Variants in SRD5A3 observed in about 807,000 individuals in gnomAD.
The protein encoded by SRD5A3 is polyprenal reductase.
Under a neutral mutation model 34.3 loss-of-function variants are expected in SRD5A3, and 24 were observed. That is an observed-to-expected ratio of 0.70 (90% CI 0.51 to 0.99). SRD5A3 has a LOEUF of 0.99. SRD5A3 is among the 50% of genes least tolerant of loss of function. SRD5A3 has a pLI of 0.00. For synonymous variants in SRD5A3, 161 were observed against 167.3 expected (o/e 0.96, Z 0.29); for missense variants, 350 against 388.2 (o/e 0.90, Z 0.83).
intron 1 of SRD5A3, among the ~76,000 whole-genome samples, chr4:55,351,629 C>T (rs1719196967): frequency 6.6e-6 from 1 of 151,922 alleles, no homozygotes; most frequent in South Asian, 2.1e-4. Flanking sequence ...TGCACTCCAG[C>T]CTGGGCAACA....
At chr4:55,354,264 A>C (rs1719339781) in intron 1 of SRD5A3, among the ~76,000 whole-genome samples, 1 of 151,996 alleles carries the variant, frequency 6.6e-6, no homozygotes, top group Non-Finnish European at 1.5e-5. Flanking sequence ...TACCTGGCTA[A>C]TTTTTGTATA....
At chr4:55,362,840 G>A (rs1335733628) in intron 2 of SRD5A3, among the ~76,000 whole-genome samples, 2 of 147,600 alleles carry the variant, frequency 1.4e-5, no homozygotes, top group Non-Finnish European at 3.0e-5. Flanking sequence ...TTGTGTGTGA[G>A]ACTTTTTTTT....
intron 1 of SRD5A3, among the ~76,000 whole-genome samples, chr4:55,352,634 T>A (rs958773581): frequency 3.3e-5 from 5 of 152,044 alleles, no homozygotes; most frequent in African/African-American, 1.2e-4. Flanking sequence ...AAAAAGTGGT[T>A]TGAGGTTTAA....
rs1450031018 is a variant in SRD5A3, at chr4:55,357,125, C to T, written c.222-2221C>T. On this transcript the variant is annotated intron_variant, in intron 1 of 4. Coordinates refer to ENST00000264228, the MANE Select transcript of SRD5A3 (RefSeq NM_024592.5). ...AGAGAAGCCACCCTTGACCATCCATCCAGAACAGCCTCCCCTCTGCACCCT... is the reference window on the plus strand; with the variant it reads ...AGAGAAGCCACCCTTGACCATCCATTCAGAACAGCCTCCCCTCTGCACCCT... 2.0e-5 allele frequency among the ~76,000 whole-genome samples: 3 copies of T among 152,278 alleles called. No individual in the cohort carries two copies. In the East Asian group the frequency reaches 5.8e-4, roughly 29 times the overall value.
intron 1 of SRD5A3, among the ~76,000 whole-genome samples, chr4:55,352,939 G>T (rs1719251805): frequency 6.6e-6 from 1 of 152,226 alleles, no homozygotes; most frequent in Non-Finnish European, 1.5e-5. Flanking sequence ...AGGATGGATG[G>T]GGTGGGGGAA....
chr4:55,369,765 G>A (rs1295217818), intron 4 of SRD5A3, 67 bp from the exon 5 acceptor site: 23 of 1,563,436 alleles, frequency 1.5e-5, no homozygotes, highest in African/African-American at 2.7e-5. Flanking sequence ...AATGATTTGC[G>A]AGTGAAGTGG....
rs1719074196 is a variant in SRD5A3, at chr4:55,348,417, AC to A, written c.221+1864del. Among the ~76,000 whole-genome samples the A allele has an allele frequency of 2.0e-5, 3 of 152,288 alleles. No homozygotes were observed. In the South Asian group the frequency reaches 6.2e-4, roughly 32 times the overall value. On this transcript the variant is annotated intron_variant, in intron 1 of 4. Coordinates refer to ENST00000264228, the MANE Select transcript of SRD5A3 (RefSeq NM_024592.5). ...GTATTACTCTCTTTTTAAATTTTATACCCCTGTTTATATGAAATAGGCAGAT... is the reference window on the plus strand; with the variant it reads ...GTATTACTCTCTTTTTAAATTTTATACCCTGTTTATATGAAATAGGCAGAT...
intron 1 of SRD5A3, chr4:55,359,019 G>A (rs1473158341): frequency 2.7e-6 from 1 of 366,146 alleles, no homozygotes; most frequent in Non-Finnish European, 5.2e-6. Flanking sequence ...AGGGCCTGCA[G>A]CCTCCGTTTT....
intron 1 of SRD5A3, chr4:55,351,954 T>C (rs1368634307): frequency 6.1e-5 from 45 of 738,540 alleles, no homozygotes; most frequent in South Asian, 6.0e-4. Context: ...ATAAAACTTA[T>C]GCTGAATTAC....
chr4:55,370,249 C>T lies in SRD5A3; in HGVS notation c.*158C>T. ...TTTCACTGAATGAGCATGGCAGTGCCACTCAAGAAAATGAATCTCCAAAGT... is the reference window on the plus strand; with the variant it reads ...TTTCACTGAATGAGCATGGCAGTGCTACTCAAGAAAATGAATCTCCAAAGT... On this transcript the variant is annotated 3_prime_UTR_variant, in exon 5 of 5. Transcript: ENST00000264228. 1.1e-6 allele frequency: 1 copy of T among 920,142 alleles called. No homozygotes were observed. Among genetic ancestry groups the T allele is most frequent in the Non-Finnish European group, 1.7e-6 (1 of 598,084 alleles). 57.0% of individuals were successfully genotyped at this position (920,142 alleles called of 1,614,324 possible). A position where few individuals can be genotyped will look rare whatever the true frequency, so the allele number is the denominator to read the frequency against.
chr4:55,355,704 T>C (rs1207607896), intron 1 of SRD5A3, among the ~76,000 whole-genome samples: 1 of 152,188 alleles, frequency 6.6e-6, no homozygotes, highest in African/African-American at 2.4e-5. Context: ...CTAGGTTGCA[T>C]GAAAGCACAA....
intron 3 of SRD5A3, 149 bp from the exon 4 acceptor site, chr4:55,367,439 A>G: frequency 1.1e-6 from 1 of 876,954 alleles, no homozygotes; most frequent in Non-Finnish European, 1.8e-6. Flanking sequence ...ATTGAGGAAC[A>G]GGTTCCCCTC....
intron 2 of SRD5A3, among the ~76,000 whole-genome samples, chr4:55,363,296 G>A (rs554712375): frequency 7.9e-5 from 12 of 152,200 alleles, no homozygotes; most frequent in Non-Finnish European, 1.5e-4. Flanking sequence ...TTAGTCAGGT[G>A]TGGTGGCACA....
At chr4:55,356,000 A>ATTTTT (rs10648522) in intron 1 of SRD5A3, among the ~76,000 whole-genome samples, 18 of 74,288 alleles carry the variant, frequency 2.4e-4, no homozygotes, top group Admixed American at 6.5e-4. Context: ...TTTTGCCTCC[A>ATTTTT]TTTTTTTTTT....
At chr4:55,365,989 T>TA (rs1286507687) in intron 3 of SRD5A3, among the ~76,000 whole-genome samples, 2 of 152,282 alleles carry the variant, frequency 1.3e-5, no homozygotes, top group Admixed American at 6.5e-5. Flanking sequence ...AAAAGAAGAC[T>TA]ATCTGTAAAC....
At chr4:55,347,853 C>A (rs536996367) in intron 1 of SRD5A3, among the ~76,000 whole-genome samples, 5 of 152,300 alleles carry the variant, frequency 3.3e-5, no homozygotes, top group African/African-American at 9.6e-5. Context: ...AGTAGAAGTA[C>A]ATGAAACAAA....
At chr4:55,350,370 A>G (rs1469218663) in intron 1 of SRD5A3, among the ~76,000 whole-genome samples, 1 of 152,210 alleles carries the variant, frequency 6.6e-6, no homozygotes, top group East Asian at 1.9e-4. Context: ...AACTCCTCTC[A>G]AAAAGAAAGA....
chr4:55,363,956 A>T, intron 2 of SRD5A3, 118 bp from the exon 3 acceptor site: 1 of 1,050,400 alleles, frequency 9.5e-7, no homozygotes, highest in Non-Finnish European at 1.5e-6. Flanking sequence ...TTTCTTCCTT[A>T]CTACCAAAAA....
In SRD5A3 at chr4:55,355,098, A is replaced by G. The variant is rs567116852; in HGVS notation, c.222-4248A>G. Among the ~76,000 whole-genome samples the G allele has an allele frequency of 2.6e-5, 4 of 152,380 alleles. No individual in the cohort carries two copies. In the South Asian group the frequency reaches 8.3e-4, roughly 32 times the overall value. On this transcript the variant is annotated intron_variant, in intron 1 of 4. Transcript: ENST00000264228. ...AAACAGAACGCAGTGAAGATTTTAG[A>G]TTGGCTTTTGGAGGCTCAAGCTGGG... is the stretch of plus-strand genomic sequence containing the variant.
Sources: allele counts gnomAD v4.1 joint callset (sites outside exome capture counted in the v4.1 genomes callset), GRCh38; gene constraint gnomAD v4.1.1; transcripts MANE v1.5; gene names NCBI Gene and HGNC (gene_info 2026-07-23, HGNC 2026-07-21).